TRIM44: variants seen among roughly 807,000 people sequenced by gnomAD.
TRIM44 encodes the protein tripartite motif-containing protein 44.
TRIM44 carries 13 observed loss-of-function variants against 37.4 expected under a neutral mutation model. The ratio of observed to expected loss-of-function variants is 0.35; its 90% confidence interval spans 0.23 to 0.55. TRIM44 has a LOEUF of 0.55. Among genes scored for constraint, TRIM44 ranks in the 20% least tolerant of loss-of-function variants. The pLI is 0.89. For missense variants in TRIM44, 426 were observed against 437.2 expected (o/e 0.97, Z 0.23); for synonymous variants, 175 against 157.2 (o/e 1.11, Z -0.85).
intron 1 of TRIM44, among the ~76,000 whole-genome samples, chr11:35,667,578 G>C (rs1463302437): frequency 3.9e-5 from 6 of 152,092 alleles, no homozygotes; most frequent in Non-Finnish European, 5.9e-5. Context: ...TTGCTATGTT[G>C]CCCAAGTTGG....
chr11:35,743,186 G>A lies in TRIM44; in HGVS notation c.1007+7741G>A, dbSNP rs184848013. Reference sequence around the variant, plus strand: ...CTCAAGGAGTGAAAACACATGTGCTGTGCGGGGAATGGTGAATAACTGCAT... The same window carrying A: ...CTCAAGGAGTGAAAACACATGTGCTATGCGGGGAATGGTGAATAACTGCAT... On this transcript the variant is annotated intron_variant, in intron 4 of 4. Transcript: ENST00000299413. Among the ~76,000 whole-genome samples the A allele has an allele frequency of 1.3e-3, 198 of 152,308 alleles. No individual in the cohort carries two copies. The Middle Eastern group carries it at 0.017, about 13-fold the overall frequency.
chr11:35,706,743 G>T (rs1443549072), intron 2 of TRIM44, among the ~76,000 whole-genome samples: 1 of 151,786 alleles, frequency 6.6e-6, no homozygotes, highest in Non-Finnish European at 1.5e-5. Context: ...CAATAAATTA[G>T]GTATTGATGG....
intron 2 of TRIM44, among the ~76,000 whole-genome samples, chr11:35,709,663 C>A (rs1010132113): frequency 1.3e-5 from 2 of 152,034 alleles, no homozygotes; most frequent in African/African-American, 4.8e-5. Flanking sequence ...AATGCAAATC[C>A]GTGGGGCTCC....
At chr11:35,731,706 T>C (rs1281127198) in intron 3 of TRIM44, among the ~76,000 whole-genome samples, 1 of 152,208 alleles carries the variant, frequency 6.6e-6, no homozygotes, top group South Asian at 2.1e-4. Flanking sequence ...TTTATTTATA[T>C]GTCATGAGCA....
chr11:35,752,224 A>G (rs1480199703), intron 4 of TRIM44, among the ~76,000 whole-genome samples: 4 of 151,872 alleles, frequency 2.6e-5, no homozygotes, highest in Admixed American at 1.3e-4. Context: ...TATATCAAAT[A>G]TAGAGGCTTC....
chr11:35,664,976 T>C (rs1176862519), intron 1 of TRIM44, among the ~76,000 whole-genome samples: 2 of 152,258 alleles, frequency 1.3e-5, no homozygotes, highest in African/African-American at 4.8e-5. Flanking sequence ...ATGGGTGTCA[T>C]ATTTTTATCA....
chr11:35,726,147 C>T lies in TRIM44; in HGVS notation c.971C>T (p.Ala324Val), dbSNP rs1344662555. Residue 324 changes from alanine (A) to valine (V), a missense_variant, in exon 3 of 5, where the codon GCT (alanine) becomes GTT (valine). Physicochemically the swap from Ala to Val is moderately conservative, Grantham distance 64 (BLOSUM62 0). This residue lies in a region of TRIM44 where 95 missense variants were observed against 134.2 expected (regional missense o/e 0.71). Transcript: ENST00000299413. ...KEQLDTSNES[A>V]EPKAEGDEEG... Reference sequence around the variant, plus strand: ...CAACTTGATACCTCTAATGAATCAGCTGAGCCAAAGGCAGAGGTAAAGGAA... The same window carrying T: ...CAACTTGATACCTCTAATGAATCAGTTGAGCCAAAGGCAGAGGTAAAGGAA... 4 of 1,613,816 alleles carry T rather than the reference C, an allele frequency of 2.5e-6. No homozygotes were observed. Among genetic ancestry groups the T allele is most frequent in the Non-Finnish European group, 3.4e-6 (4 of 1,179,938 alleles).
In TRIM44 at chr11:35,809,852, T is replaced by C. The variant is rs905987530; in HGVS notation, c.*3467T>C. On this transcript the variant is annotated 3_prime_UTR_variant, in exon 5 of 5. Coordinates refer to ENST00000299413, the MANE Select transcript of TRIM44 (RefSeq NM_017583.6). ...ATATATAAAGGACAAGTGTGATATGTGTGTATATGTATATACATACATACA... is the reference window on the plus strand; with the variant it reads ...ATATATAAAGGACAAGTGTGATATGCGTGTATATGTATATACATACATACA... 2.0e-5 allele frequency: 3 copies of C among 151,668 alleles called. No individual in the cohort carries two copies. The highest frequency in any genetic ancestry group is 7.3e-5 in the African/African-American group (3 of 41,274). The allele number at this position is 151,668 out of a possible 1,614,324, so 9.4% of individuals were successfully genotyped here.
chr11:35,705,623 C>T (rs1457672154), intron 2 of TRIM44, among the ~76,000 whole-genome samples: 1 of 149,594 alleles, frequency 6.7e-6, no homozygotes, highest in African/African-American at 2.4e-5. Flanking sequence ...CAAAACTGCT[C>T]AACTACATGG....
Position 35,666,737 on chromosome 11 carries a change from C to T in TRIM44, c.669+2957C>T, listed in dbSNP as rs996181350. 5.3e-5 allele frequency among the ~76,000 whole-genome samples: 8 copies of T among 152,030 alleles called. No homozygotes were observed. The South Asian group carries it at 6.2e-4, about 12-fold the overall frequency. ...TCCTGCCATTTCCCTCCAGCCTGGT[C>T]GACACGGCAAGACCCTATCTCTAAA... On this transcript the variant is annotated intron_variant, in intron 1 of 4. Coordinates refer to ENST00000299413, the MANE Select transcript of TRIM44 (RefSeq NM_017583.6).
At chr11:35,789,783 T>C (rs1276924120) in intron 4 of TRIM44, among the ~76,000 whole-genome samples, 1 of 152,222 alleles carries the variant, frequency 6.6e-6, no homozygotes, top group Admixed American at 6.5e-5. Context: ...TCCTTCTGCC[T>C]GGGCCCTGCA....
chr11:35,752,431 C>T (rs1044807694), intron 4 of TRIM44, among the ~76,000 whole-genome samples: 20 of 152,134 alleles, frequency 1.3e-4, no homozygotes, highest in African/African-American at 4.8e-4. Flanking sequence ...TTCTCCCAGT[C>T]AGAACACTGC....
intron 2 of TRIM44, among the ~76,000 whole-genome samples, chr11:35,690,408 G>A (rs1318213978): frequency 6.6e-6 from 1 of 152,224 alleles, no homozygotes; most frequent in Admixed American, 6.5e-5. Context: ...TGTACAGGTA[G>A]TGATGAATAT....
In TRIM44 at chr11:35,786,938, G is replaced by A. The variant is rs553168044; in HGVS notation, c.1008-19420G>A. Among the ~76,000 whole-genome samples the A allele has an allele frequency of 2.0e-5, 3 of 152,146 alleles. No homozygotes were observed. The East Asian group carries it at 5.8e-4, about 29-fold the overall frequency. On this transcript the variant is annotated intron_variant, in intron 4 of 4. Coordinates refer to ENST00000299413, the MANE Select transcript of TRIM44 (RefSeq NM_017583.6). ...CCTCCAAGGTAGGAGGTGGGCTGAC[G>A]CTTTCCCTTCTGCCCTCCCCATCCT...
chr11:35,682,975 G>A (rs144450801), intron 1 of TRIM44, among the ~76,000 whole-genome samples: 331 of 152,248 alleles, frequency 2.2e-3, no homozygotes, highest in African/African-American at 7.5e-3. Context: ...TAAAATGGGC[G>A]CTGGCAGCTG....
rs1460379029 is a variant in TRIM44 at position 35,808,756 on chromosome 11, C to G, written c.*2371C>G. 6.6e-6 allele frequency: 1 copy of G among 152,240 alleles called. No homozygotes were observed. The highest frequency in any genetic ancestry group is 1.5e-5 in the Non-Finnish European group (1 of 68,050). 9.4% of individuals were successfully genotyped at this position (152,240 alleles called of 1,614,324 possible). A position where few individuals can be genotyped will look rare whatever the true frequency, so the allele number is the denominator to read the frequency against. On this transcript the variant is annotated 3_prime_UTR_variant, in exon 5 of 5. Coordinates refer to ENST00000299413, the MANE Select transcript of TRIM44 (RefSeq NM_017583.6). ...CAGGGAAGCATTAAACACAGTGCAGCAGCTTTTGCCCAGGCTTCTAAGTTC... is the reference window on the plus strand; with the variant it reads ...CAGGGAAGCATTAAACACAGTGCAGGAGCTTTTGCCCAGGCTTCTAAGTTC...
intron 2 of TRIM44, among the ~76,000 whole-genome samples, chr11:35,722,997 C>T (rs1159734632): frequency 1.3e-5 from 2 of 151,928 alleles, no homozygotes; most frequent in African/African-American, 4.8e-5. Context: ...TTTTCAATCT[C>T]TCTCTCTTTC....
chr11:35,663,152 A>C lies in TRIM44; in HGVS notation c.41A>C (p.His14Pro). ...GGCGCGGCCTTCGAGGAACTGCCTC[A>C]CGACGGCACGTGTGACGAGTGCGAG... ...GVGAAFEELP[H>P]DGTCDECEPD... Residue 14 changes from histidine (H) to proline (P), a missense_variant, in exon 1 of 5, where the codon CAC (histidine) becomes CCC (proline). Around this residue, in one of 2 missense-constraint regions of TRIM44, gnomAD observed 331 missense variants for 303.0 expected, o/e 1.09. Transcript: ENST00000299413. 6.5e-7 allele frequency: 1 copy of C among 1,548,602 alleles called. No individual in the cohort carries two copies. Among genetic ancestry groups the C allele is most frequent in the Non-Finnish European group, 8.7e-7 (1 of 1,148,446 alleles).
chr11:35,799,683 A>G (rs1303946930), intron 4 of TRIM44, among the ~76,000 whole-genome samples: 1 of 152,164 alleles, frequency 6.6e-6, no homozygotes, highest in Non-Finnish European at 1.5e-5. Context: ...CAGGTCTTGC[A>G]GCCTCTCTGG....
Sources: allele counts gnomAD v4.1 joint callset (sites outside exome capture counted in the v4.1 genomes callset), GRCh38; gene constraint gnomAD v4.1.1; regional missense constraint gnomAD v4.1.1; transcripts MANE v1.5; gene names NCBI Gene and HGNC (gene_info 2026-07-23, HGNC 2026-07-21).